Variants in GPC5 observed in about 807,000 individuals in gnomAD.
GPC5 encodes glypican 5, also known as glypican-5.
GPC5 carries 47 observed loss-of-function variants against 53.9 expected under a neutral mutation model. The ratio of observed to expected loss-of-function variants is 0.87; its 90% confidence interval spans 0.69 to 1.11. The LOEUF (loss-of-function observed/expected upper bound fraction) is 1.11, where lower values mean the gene tolerates loss of function less well. GPC5 is among the 50% of genes most tolerant of loss of function. The probability of loss-of-function intolerance (pLI) is 0.00; values close to 1 mark genes in which losing one functional copy is unlikely to be tolerated. For missense variants in GPC5, 748 were observed against 713.1 expected (o/e 1.05, Z -0.56); for synonymous variants, 286 against 263.3 (o/e 1.09, Z -0.84).
At chr13:91,706,529 AT>A (rs746147003) in intron 3 of GPC5, among the ~76,000 whole-genome samples, 1 of 152,074 alleles carries the variant, frequency 6.6e-6, no homozygotes, top group African/African-American at 2.4e-5. Flanking sequence ...CTCATTACAT[AT>A]TTTTTAGAGT....
chr13:91,968,504 C>T (rs908035392), intron 6 of GPC5, among the ~76,000 whole-genome samples: 1 of 151,976 alleles, frequency 6.6e-6, no homozygotes, highest in Admixed American at 6.6e-5. Flanking sequence ...CTCTGTCGCC[C>T]AGGCTGGAGA....
At chr13:91,600,642 T>C (rs1281044293) in intron 2 of GPC5, among the ~76,000 whole-genome samples, 1 of 152,134 alleles carries the variant, frequency 6.6e-6, no homozygotes, top group East Asian at 1.9e-4. Context: ...GGGGTCTCGC[T>C]CTGTCGCCCA....
At chr13:91,872,581 C>A (rs1480494416) in intron 5 of GPC5, among the ~76,000 whole-genome samples, 1 of 151,804 alleles carries the variant, frequency 6.6e-6, no homozygotes, top group African/African-American at 2.4e-5. Flanking sequence ...TGTATATAGG[C>A]ACATTATATG....
intron 6 of GPC5, among the ~76,000 whole-genome samples, chr13:91,974,924 A>G (rs943924298): frequency 1.3e-5 from 2 of 152,190 alleles, no homozygotes; most frequent in Non-Finnish European, 2.9e-5. Flanking sequence ...AAACAGAGAT[A>G]TAGATCAATG....
chr13:91,593,681 G>A (rs2032888143), intron 2 of GPC5, among the ~76,000 whole-genome samples: 1 of 152,146 alleles, frequency 6.6e-6, no homozygotes, highest in African/African-American at 2.4e-5. Context: ...AATGAGTGTT[G>A]AGAGAAATGA....
At chr13:92,228,224 A>G (rs9556163) in intron 7 of GPC5, among the ~76,000 whole-genome samples, 29,256 of 151,550 alleles carry the variant, frequency 0.19, 2,900 homozygotes, top group Admixed American at 0.23. Context: ...CTCGGTATCA[A>G]TGAACCCGTG....
intron 2 of GPC5, among the ~76,000 whole-genome samples, chr13:91,650,966 A>G (rs950913827): frequency 2.0e-5 from 3 of 152,120 alleles, no homozygotes; most frequent in African/African-American, 7.2e-5. Flanking sequence ...ACATTGCTGA[A>G]TATTCAGTAA....
At chr13:91,437,288 G>C (rs915679522) in intron 1 of GPC5, among the ~76,000 whole-genome samples, 3 of 152,122 alleles carry the variant, frequency 2.0e-5, no homozygotes, top group Non-Finnish European at 4.4e-5. Context: ...AGCCTCGATG[G>C]TCTTTACAAT....
At chr13:91,989,342 T>C (rs1261422287) in intron 6 of GPC5, among the ~76,000 whole-genome samples, 3 of 152,320 alleles carry the variant, frequency 2.0e-5, no homozygotes, top group African/African-American at 2.4e-5. Context: ...ACTCTAAACA[T>C]GTAAGATGAA....
intron 1 of GPC5, among the ~76,000 whole-genome samples, chr13:91,406,240 T>G (rs898267677): frequency 1.3e-5 from 2 of 152,212 alleles, no homozygotes; most frequent in African/African-American, 4.8e-5. Context: ...TTAATAAAGC[T>G]TTAAGTAGTA....
At chr13:91,891,834 T>A (rs928605534) in intron 5 of GPC5, among the ~76,000 whole-genome samples, 2 of 152,164 alleles carry the variant, frequency 1.3e-5, no homozygotes, top group African/African-American at 4.8e-5. Context: ...TTTAGCTCAT[T>A]TATCTTAAAG....
intron 7 of GPC5, among the ~76,000 whole-genome samples, chr13:92,514,719 G>A (rs546325901): frequency 7.9e-5 from 12 of 152,210 alleles, no homozygotes; most frequent in East Asian, 3.9e-4. Context: ...TGTGAGGGGC[G>A]GAATTTCTAA....
chr13:91,889,574 G>A (rs1382359735), intron 5 of GPC5, among the ~76,000 whole-genome samples: 2 of 152,068 alleles, frequency 1.3e-5, no homozygotes, highest in Admixed American at 6.6e-5. Context: ...ACATTCATGG[G>A]ATTTGTTACT....
chr13:92,684,639 T>A (rs535154965), intron 7 of GPC5, among the ~76,000 whole-genome samples: 1 of 152,314 alleles, frequency 6.6e-6, no homozygotes, highest in Middle Eastern at 3.4e-3. Flanking sequence ...TTTGTCTATT[T>A]GCCTATTGAA....
intron 7 of GPC5, among the ~76,000 whole-genome samples, chr13:92,858,129 G>C (rs571906998): frequency 6.6e-6 from 1 of 152,104 alleles, no homozygotes; most frequent in South Asian, 2.1e-4. Context: ...ATATGGTTTG[G>C]CTGTGTTCCC....
At chr13:92,856,080 C>G (rs986771792) in intron 7 of GPC5, among the ~76,000 whole-genome samples, 1 of 151,982 alleles carries the variant, frequency 6.6e-6, no homozygotes, top group Non-Finnish European at 1.5e-5. Context: ...AGGCCAGTAT[C>G]CCTGATGAAC....
At position 92,525,755 on chromosome 13, in the gene GPC5, T is replaced by G. The variant is rs9584036; in HGVS notation, c.1562-340527T>G. Among the ~76,000 whole-genome samples the G allele has an allele frequency of 2.6e-3, 401 of 152,104 alleles. 2 individuals are homozygous for G. The highest frequency in any genetic ancestry group is 9.3e-3 in the African/African-American group (388 of 41,512). ...AAAGGAAAAGTGAAGGGAGCTCACT[T>G]CTGGCACTAGCTGATGGTGATATTA... is the stretch of plus-strand genomic sequence containing the variant. On this transcript the variant is annotated intron_variant, in intron 7 of 7. Transcript: ENST00000377067.
chr13:92,081,976 T>G (rs2041299394), intron 6 of GPC5, among the ~76,000 whole-genome samples: 2 of 152,062 alleles, frequency 1.3e-5, no homozygotes, highest in Non-Finnish European at 2.9e-5. Context: ...TATAAATAGA[T>G]AGAAAATCAA....
chr13:92,348,831 C>T lies in GPC5; in HGVS notation c.1561+203842C>T, dbSNP rs530234176. Among the ~76,000 whole-genome samples, 15 of 152,070 alleles carry T rather than the reference C, an allele frequency of 9.9e-5. No individual in the cohort carries two copies. In the South Asian group the frequency reaches 2.1e-3, roughly 21 times the overall value. On this transcript the variant is annotated intron_variant, in intron 7 of 7. Coordinates refer to ENST00000377067, the MANE Select transcript of GPC5 (RefSeq NM_004466.6). ...GCATGCTCCTGAACAACTAATGGGT[C>T]AATACAATTTTTAAAACAATAATTT...
Sources: gnomAD v4.1 joint callset for allele counts (sites outside exome capture counted in the v4.1 genomes callset) on GRCh38, gnomAD v4.1.1 for gene constraint, MANE v1.5 for transcripts, NCBI Gene and HGNC (gene_info 2026-07-23, HGNC 2026-07-21) for gene names.